MAPKAPK2: variants seen among roughly 807,000 people sequenced by gnomAD.
MAPKAPK2 encodes the protein MAPK activated protein kinase 2.
Under a neutral mutation model 48.8 loss-of-function variants are expected in MAPKAPK2, and 9 were observed. The observed-to-expected ratio is 0.18, with a 90% CI of 0.11 to 0.32. The LOEUF is 0.32. Ranked by LOEUF, MAPKAPK2 falls within the 10% of genes least tolerant of loss-of-function variation. The pLI, the probability that MAPKAPK2 is intolerant of heterozygous loss-of-function variation, is 1.00. For synonymous variants in MAPKAPK2, 202 were observed against 190.6 expected (o/e 1.06, Z -0.49); for missense variants, 331 against 498.3 (o/e 0.66, Z 3.20).
rs544624219 is a variant in MAPKAPK2, at chr1:206,719,334, T to C, written c.280-9376T>C. 1.9e-3 allele frequency among the ~76,000 whole-genome samples: 290 copies of C among 152,354 alleles called. 2 individuals are homozygous for C. The Middle Eastern group carries it at 0.024, about 13-fold the overall frequency. ...GCCCGCAGTCGAGCCAGGCCCCATC[T>C]TCTGGGCAGTGACGCGTGGTTGTTT... is the stretch of plus-strand genomic sequence containing the variant. On this transcript the variant is annotated intron_variant, in intron 1 of 9. Transcript: ENST00000367103.
rs782188773 is a variant in MAPKAPK2, at chr1:206,732,039, G to A, written c.1059+120G>A. On this transcript the variant is annotated intron_variant, in intron 9 of 9. Coordinates refer to ENST00000367103, the MANE Select transcript of MAPKAPK2 (RefSeq NM_032960.4). This position sits in a 1 kb window ranked among gnomAD's most constrained non-coding sequence, Gnocchi z 4.4. ...TTGATTCTGCCTCTCTCATCCCAGG[G>A]GTGTCTTCATGACAAGAACAGCGAC... The A allele has an allele frequency of 5.6e-6, 9 of 1,613,930 alleles. No individual in the cohort carries two copies. The highest frequency in any genetic ancestry group is 1.6e-4 in the Middle Eastern group (1 of 6,084).
rs782492395 is a variant in MAPKAPK2 at position 206,728,864 on chromosome 1, T to G, written c.419+15T>G. 1 of 1,613,716 alleles carries G rather than the reference T, an allele frequency of 6.2e-7. No individual in the cohort carries two copies. The highest frequency in any genetic ancestry group is 1.1e-5 in the South Asian group (1 of 91,022). On this transcript the variant is annotated intron_variant, in intron 2 of 9. Coordinates refer to ENST00000367103, the MANE Select transcript of MAPKAPK2 (RefSeq NM_032960.4). ...GTCATGGAATGGTAAGCAGCCACTG[T>G]TCTAGTCCCGGCCCAGCCTGTTCCC...
chr1:206,731,295 A>G lies in MAPKAPK2; in HGVS notation c.892+33A>G. The G allele has an allele frequency of 6.2e-7, 1 of 1,607,590 alleles. No homozygotes were observed. Among genetic ancestry groups the G allele is most frequent in the East Asian group, 2.2e-5 (1 of 44,828 alleles). ...CCCAGGCTTTCAGGACAAGGGGAAG[A>G]GCCCGTGTGTGTGTGTGTGTGTGTA... On this transcript the variant is annotated intron_variant, in intron 7 of 9. Transcript: ENST00000367103. The surrounding 1 kb of genome is among the most constrained non-coding windows in gnomAD (Gnocchi z 5.9).
intron 1 of MAPKAPK2, among the ~76,000 whole-genome samples, chr1:206,706,060 C>T (rs780164006): frequency 5.3e-5 from 8 of 152,144 alleles, no homozygotes; most frequent in Non-Finnish European, 1.2e-4. Context: ...GCTACTCTTC[C>T]TGAGGATTAT....
At chr1:206,710,339 C>G (rs1165217466) in intron 1 of MAPKAPK2, among the ~76,000 whole-genome samples, 1 of 152,246 alleles carries the variant, frequency 6.6e-6, no homozygotes, top group Non-Finnish European at 1.5e-5. Context: ...CACTGCCTAT[C>G]TGTTCACTTC....
intron 1 of MAPKAPK2, among the ~76,000 whole-genome samples, chr1:206,698,400 C>G (rs1223011679): frequency 6.6e-6 from 1 of 152,174 alleles, no homozygotes; most frequent in Non-Finnish European, 1.5e-5. Context: ...CTGTGGGTAC[C>G]TTCTATACCC....
At chr1:206,691,490 T>C (rs1428381001) in intron 1 of MAPKAPK2, among the ~76,000 whole-genome samples, 6 of 129,384 alleles carry the variant, frequency 4.6e-5, no homozygotes, top group African/African-American at 1.7e-4. Flanking sequence ...AAGATATATA[T>C]ATATATATAT....
intron 1 of MAPKAPK2, among the ~76,000 whole-genome samples, chr1:206,691,377 C>CATGT (rs1376862929): frequency 1.3e-5 from 2 of 151,412 alleles, no homozygotes; most frequent in African/African-American, 4.9e-5. Context: ...GAGAAGGGGC[C>CATGT]ATGTCACTGG....
chr1:206,685,242 TC>T lies in MAPKAPK2; in HGVS notation c.16del (p.Gln6ArgfsTer130). The T allele has an allele frequency of 1.8e-6, 1 of 561,310 alleles. No individual in the cohort carries two copies. 34.8% of individuals were successfully genotyped at this position (561,310 alleles called of 1,614,324 possible). A position where few individuals can be genotyped will look rare whatever the true frequency, so the allele number is the denominator to read the frequency against. On this transcript the variant is annotated frameshift_variant, in exon 1 of 10. Transcript: ENST00000367103. LOFTEE classifies it high-confidence loss of function. MLSNSQGQSPPVPFP... is the reference protein window; with the variant it reads MLSNXQGQSPPVPFP... The stretch of plus-strand genomic sequence containing the variant: ...GTCCCCGGGCACCATGCTGTCCAAC[TC>T]CCAGGGCCAGAGCCCGCCGGTGCCG...
intron 1 of MAPKAPK2, among the ~76,000 whole-genome samples, chr1:206,708,270 A>T (rs1223319115): frequency 6.6e-6 from 1 of 151,840 alleles, no homozygotes; most frequent in Admixed American, 6.6e-5. Flanking sequence ...TCCTCCTGTG[A>T]CCTCCCAGCC....
chr1:206,685,330 A>AGGC lies in MAPKAPK2; in HGVS notation c.102_103insGCG (p.Gln34_Pro35insAla), dbSNP rs1672248542. ...CCTGCCCTGCCGCACCCCCCGGCGC[A>AGGC]GCCGCCGCCGCCGCCCCCGCAGCAG... On this transcript the variant is annotated inframe_insertion, in exon 1 of 10. Transcript: ENST00000367103. 9.2e-7 allele frequency: 1 copy of AGGC among 1,087,226 alleles called. No homozygotes were observed. The highest frequency in any genetic ancestry group is 1.2e-6 in the Non-Finnish European group (1 of 821,372). The allele number at this position is 1,087,226 out of a possible 1,614,324, so 67.3% of individuals were successfully genotyped here.
Position 206,700,870 on chromosome 1 carries a change from GGGGAAGCT to G in MAPKAPK2, c.279+15368_279+15375del, listed in dbSNP as rs201250543. Among the ~76,000 whole-genome samples the G allele has an allele frequency of 6.5e-3, 992 of 152,312 alleles. 6 individuals carry two copies. Among genetic ancestry groups the G allele is most frequent in the Non-Finnish European group, 0.011 (757 of 68,014 alleles). ...CCTGAGAACGAGGGCTGCTTGCTCT[GGGGAAGCT>G]GGGAAATGGCACCAGGTGTCAGGCC... On this transcript the variant is annotated intron_variant, in intron 1 of 9. Coordinates refer to ENST00000367103, the MANE Select transcript of MAPKAPK2 (RefSeq NM_032960.4).
chr1:206,730,915 G>A (rs1673880123), intron 6 of MAPKAPK2, 152 bp downstream of exon 6: 18 of 986,716 alleles, frequency 1.8e-5, no homozygotes, highest in East Asian at 1.5e-4. Flanking sequence ...GCTAAGTGGC[G>A]GGTGTAAACC....
chr1:206,705,494 G>A (rs781943327), intron 1 of MAPKAPK2, among the ~76,000 whole-genome samples: 1 of 152,220 alleles, frequency 6.6e-6, no homozygotes, highest in Non-Finnish European at 1.5e-5. Context: ...TTCTGAGGCA[G>A]CTGCTTGCTA....
intron 1 of MAPKAPK2, among the ~76,000 whole-genome samples, chr1:206,727,920 G>T (rs1673757861): frequency 1.3e-5 from 2 of 152,192 alleles, no homozygotes. Flanking sequence ...ACCGTGCCCG[G>T]CAGCAGATTT....
chr1:206,712,045 A>T (rs1297213220), intron 1 of MAPKAPK2, among the ~76,000 whole-genome samples: 4 of 152,160 alleles, frequency 2.6e-5, no homozygotes, highest in African/African-American at 9.7e-5. Flanking sequence ...TTCAATGGAG[A>T]TTTAGAATGT....
intron 1 of MAPKAPK2, among the ~76,000 whole-genome samples, chr1:206,710,489 T>C (rs1479210663): frequency 1.3e-5 from 2 of 152,174 alleles, no homozygotes; most frequent in Non-Finnish European, 2.9e-5. Context: ...GTAATGCTGG[T>C]AGTGAATTTC....
intron 1 of MAPKAPK2, among the ~76,000 whole-genome samples, chr1:206,720,196 A>G (rs1553431028): frequency 6.6e-6 from 1 of 152,246 alleles, no homozygotes; most frequent in Non-Finnish European, 1.5e-5. Context: ...CCTCTGACTA[A>G]AATTTAGAGA....
At chr1:206,686,208 G>C (rs1282324411) in intron 1 of MAPKAPK2, among the ~76,000 whole-genome samples, 1 of 152,184 alleles carries the variant, frequency 6.6e-6, no homozygotes, top group African/African-American at 2.4e-5. Context: ...GGTGTCCGCG[G>C]CCCGGCTGAT....
Sources: gnomAD v4.1 joint callset for allele counts (sites outside exome capture counted in the v4.1 genomes callset) on GRCh38, gnomAD v4.1.1 for gene constraint, Gnocchi (gnomAD v3.1) non-coding constraint, MANE v1.5 for transcripts, NCBI Gene and HGNC (gene_info 2026-07-23, HGNC 2026-07-21) for gene names.